The following AGAP1 variants were observed in gnomAD, a reference collection of about 807,000 sequenced individuals.
AGAP1 encodes arf-GAP with GTPase, ANK repeat and PH domain-containing protein 1.
In AGAP1, 29 loss-of-function variants were observed where a neutral mutation model predicts 105.3. The ratio of observed to expected loss-of-function variants is 0.28; its 90% CI spans 0.21 to 0.38. The LOEUF (loss-of-function observed/expected upper bound fraction) is 0.38. AGAP1 is among the 10% of genes least tolerant of loss of function. The pLI is 1.00. For missense variants in AGAP1, 998 were observed against 1,165.1 expected, an observed-to-expected ratio of 0.86 and a Z score of 2.09; for synonymous variants, 509 against 485.9, an observed-to-expected ratio of 1.05 and a Z score of -0.63.
Position 235,494,735 on chromosome 2 carries a change from A to T in AGAP1, c.49A>T (p.Ile17Phe). The change falls in exon 1 of 18, where the codon ATC (isoleucine) becomes TTC (phenylalanine). Residue 17 changes from isoleucine (I) to phenylalanine (F), a missense_variant. By Grantham distance (21) the Ile-to-Phe change is conservative. This residue lies in a region of AGAP1 where 735 missense variants were observed against 833.4 expected (regional missense o/e 0.88). Coordinates refer to ENST00000304032, the MANE Select transcript of AGAP1 (RefSeq NM_001037131.3). ...LANSAAIRAE[I>F]QRFESVHPNI... Reference sequence around the variant, plus strand: ...CAACTCGGCTGCCATCCGGGCCGAGATCCAGCGCTTCGAGTCGGTCCACCC... The same window carrying T: ...CAACTCGGCTGCCATCCGGGCCGAGTTCCAGCGCTTCGAGTCGGTCCACCC... The T allele has an allele frequency of 2.6e-6, 4 of 1,567,814 alleles. No individual in the cohort carries two copies. The highest frequency in any genetic ancestry group is 3.5e-6 in the Non-Finnish European group (4 of 1,157,302).
rs1237989380 is a variant in AGAP1 at position 235,662,912 on chromosome 2, TTTC to T, written c.164-46264_164-46262del. ...AGATGTGATTCCGGGGACGCAGTTC[TTTC>T]TTAAGAGCTCTGATGCATGTTCTAA... On this transcript the variant is annotated intron_variant, in intron 1 of 17. Transcript: ENST00000304032. The surrounding 1 kb of genome is among the most constrained non-coding windows in gnomAD (Gnocchi z 4.2). Among the ~76,000 whole-genome samples, 1 of 152,190 alleles carries T rather than the reference TTTC, an allele frequency of 6.6e-6. No homozygotes were observed. The highest frequency in any genetic ancestry group is 2.4e-5 in the African/African-American group (1 of 41,448).
Position 236,040,547 on chromosome 2 carries a change from T to TGGGGGGGGGGGGGG in AGAP1, c.1801-204_1801-203insGGGGGGGGGGGGGG. The TGGGGGGGGGGGGGG allele has an allele frequency of 6.5e-6, 1 of 154,912 alleles. No individual in the cohort carries two copies. The highest frequency in any genetic ancestry group is 1.4e-5 in the Non-Finnish European group (1 of 71,704). 9.6% of individuals were successfully genotyped at this position (154,912 alleles called of 1,614,324 possible). A position where few individuals can be genotyped will look rare whatever the true frequency, so the allele number is the denominator to read the frequency against. On this transcript the variant is annotated intron_variant, in intron 14 of 17. Transcript: ENST00000304032. This position sits in a 1 kb window ranked among gnomAD's most constrained non-coding sequence, Gnocchi z 5.6. ...AGCTGATGAGTTAAAATGTGACATT[T>TGGGGGGGGGGGGGG]CCTCCCTCCCCCCGCCCCATGCATG...
chr2:236,012,448 C>T lies in AGAP1; in HGVS notation c.1646-24113C>T, dbSNP rs1247437459. ...GAGCTGCAGCAGTTAAAAATTAAGC[C>T]CATGCCTAATTCTGCATCATCATGC... On this transcript the variant is annotated intron_variant, in intron 13 of 17. Coordinates refer to ENST00000304032, the MANE Select transcript of AGAP1 (RefSeq NM_001037131.3). This position sits in a 1 kb window ranked among gnomAD's most constrained non-coding sequence, Gnocchi z 4.9. 1.3e-5 allele frequency among the ~76,000 whole-genome samples: 2 copies of T among 152,126 alleles called. No individual in the cohort carries two copies. Among genetic ancestry groups the T allele is most frequent in the African/African-American group, 4.8e-5 (2 of 41,438 alleles).
At chr2:235,564,254 G>A (rs1220624591) in intron 1 of AGAP1, among the ~76,000 whole-genome samples, 1 of 152,154 alleles carries the variant, frequency 6.6e-6, no homozygotes, top group Non-Finnish European at 1.5e-5. Context: ...CAAGAAACCT[G>A]GCTTAAATGA....
intron 11 of AGAP1, among the ~76,000 whole-genome samples, chr2:235,914,083 A>G (rs1189579439): frequency 6.6e-6 from 1 of 152,018 alleles, no homozygotes; most frequent in Non-Finnish European, 1.5e-5. Context: ...TATGTCATCT[A>G]ATTGGTCAGA....
intron 1 of AGAP1, among the ~76,000 whole-genome samples, chr2:235,686,624 T>TATATATATATATATATAG: frequency 3.0e-5 from 1 of 33,324 alleles, no homozygotes; most frequent in African/African-American, 1.3e-4. Flanking sequence ...GATATAGATA[T>TATATATATATATATATAG]ATATATATAT....
chr2:235,911,469 C>A (rs1478115017), intron 11 of AGAP1, among the ~76,000 whole-genome samples: 1 of 152,238 alleles, frequency 6.6e-6, no homozygotes, highest in East Asian at 1.9e-4. Context: ...GGCACCAATT[C>A]TGTGAAGAAG....
At chr2:235,831,182 TTTA>T in intron 9 of AGAP1, among the ~76,000 whole-genome samples, 8 of 105,416 alleles carry the variant, frequency 7.6e-5, no homozygotes, top group Admixed American at 2.3e-4. Context: ...ACTCTTCTTC[TTTA>T]AAAAAAAAAA....
At chr2:235,688,626 G>A (rs1949585702) in intron 1 of AGAP1, among the ~76,000 whole-genome samples, 1 of 152,160 alleles carries the variant, frequency 6.6e-6, no homozygotes, top group Admixed American at 6.5e-5. Context: ...TGGGAAGTGG[G>A]AATTGGAATT....
intron 4 of AGAP1, among the ~76,000 whole-genome samples, chr2:235,742,517 A>G (rs1345159194): frequency 6.6e-6 from 1 of 152,202 alleles, no homozygotes; most frequent in African/African-American, 2.4e-5. Context: ...ACTTAGTTAC[A>G]AAGCAGTTTG....
chr2:235,839,290 G>T (rs367792886), intron 9 of AGAP1, among the ~76,000 whole-genome samples: 2 of 152,332 alleles, frequency 1.3e-5, no homozygotes, highest in Admixed American at 6.5e-5. Flanking sequence ...TTCAACCCTG[G>T]ATATGCCCAC....
Position 236,014,095 on chromosome 2 carries a change from G to T in AGAP1, c.1646-22466G>T, listed in dbSNP as rs10185409. 2.0e-5 allele frequency among the ~76,000 whole-genome samples: 3 copies of T among 152,182 alleles called. No individual in the cohort carries two copies. The highest frequency in any genetic ancestry group is 7.2e-5 in the African/African-American group (3 of 41,516). On this transcript the variant is annotated intron_variant, in intron 13 of 17. Coordinates refer to ENST00000304032, the MANE Select transcript of AGAP1 (RefSeq NM_001037131.3). The surrounding 1 kb of genome is among the most constrained non-coding windows in gnomAD (Gnocchi z 6.3). ...AAATTGGTTCTCTTCCGAACCCAGC[G>T]TCCCACTGTCGGTGACTTGGCGTTT... is the stretch of plus-strand genomic sequence containing the variant.
intron 9 of AGAP1, among the ~76,000 whole-genome samples, chr2:235,838,902 C>T (rs968581145): frequency 6.6e-6 from 1 of 151,946 alleles, no homozygotes; most frequent in Non-Finnish European, 1.5e-5. Flanking sequence ...TTTGGACTTA[C>T]AAGTGAAAAA....
intron 12 of AGAP1, among the ~76,000 whole-genome samples, chr2:235,949,558 C>T (rs2053643900): frequency 6.6e-6 from 1 of 152,190 alleles, no homozygotes; most frequent in Non-Finnish European, 1.5e-5. Context: ...ATCCCTCGAA[C>T]ACCCAAGGCT....
At chr2:235,825,228 A>G (rs1959000799) in intron 9 of AGAP1, among the ~76,000 whole-genome samples, 2 of 152,226 alleles carry the variant, frequency 1.3e-5, no homozygotes, top group Non-Finnish European at 2.9e-5. Context: ...AGGGGAGAGG[A>G]CACTGAAATG....
intron 10 of AGAP1, among the ~76,000 whole-genome samples, chr2:235,898,485 C>T (rs2050914966): frequency 7.5e-6 from 1 of 133,572 alleles, no homozygotes; most frequent in East Asian, 2.7e-4. Flanking sequence ...CCCCCCCACC[C>T]CCACCCCCGC....
intron 1 of AGAP1, among the ~76,000 whole-genome samples, chr2:235,632,433 G>A (rs898469201): frequency 4.6e-5 from 7 of 152,152 alleles, no homozygotes; most frequent in South Asian, 2.1e-4. Flanking sequence ...CCCCTGTTTC[G>A]CCACGTCCAT....
At position 235,959,928 on chromosome 2, in the gene AGAP1, G is replaced by C. The variant is rs1331101285; in HGVS notation, c.1484-8534G>C. Among the ~76,000 whole-genome samples the C allele has an allele frequency of 6.6e-6, 1 of 152,158 alleles. No individual in the cohort carries two copies. The highest frequency in any genetic ancestry group is 1.5e-5 in the Non-Finnish European group (1 of 68,030). On this transcript the variant is annotated intron_variant, in intron 12 of 17. Coordinates refer to ENST00000304032, the MANE Select transcript of AGAP1 (RefSeq NM_001037131.3). This position sits in a 1 kb window ranked among gnomAD's most constrained non-coding sequence, Gnocchi z 7.3. ...GGGCCACCGTAGACACCCCACCTCT[G>C]AGTGGTCAGGCGCCACTGGTTGTCT...
rs557392447 is a variant in AGAP1, at chr2:236,080,399, C to T, written c.2114+31118C>T. Among the ~76,000 whole-genome samples, 48 of 152,302 alleles carry T rather than the reference C, an allele frequency of 3.2e-4. No individual in the cohort carries two copies. The highest frequency in any genetic ancestry group is 1.1e-3 in the African/African-American group (44 of 41,556). ...AGGGACAGCTAGGAGGAAATAAGGACGTCAGTTTGCAACCAGACAAGTTTA... is the reference window on the plus strand; with the variant it reads ...AGGGACAGCTAGGAGGAAATAAGGATGTCAGTTTGCAACCAGACAAGTTTA... On this transcript the variant is annotated intron_variant, in intron 16 of 17. Transcript: ENST00000304032. The surrounding 1 kb of genome is among the most constrained non-coding windows in gnomAD (Gnocchi z 4.2).
Sources: gnomAD v4.1 joint callset for allele counts (sites outside exome capture counted in the v4.1 genomes callset) on GRCh38, gnomAD v4.1.1 for gene constraint, gnomAD v4.1.1 regional missense constraint, Gnocchi (gnomAD v3.1) non-coding constraint, MANE v1.5 for transcripts, NCBI Gene and HGNC (gene_info 2026-07-23, HGNC 2026-07-21) for gene names.